NCOA7: variants seen among roughly 807,000 people sequenced by gnomAD.
NCOA7 encodes 140 kDa estrogen receptor-associated protein.
In NCOA7, 45 loss-of-function variants were observed where a neutral mutation model predicts 104.3. That is an observed-to-expected ratio of 0.43 (90% CI 0.34 to 0.55). The LOEUF (loss-of-function observed/expected upper bound fraction) is 0.55. Ranked by LOEUF, NCOA7 falls within the 20% of genes least tolerant of loss-of-function variation. NCOA7 has a pLI of 0.02. For missense variants in NCOA7, 1,041 were observed against 1,119.7 expected (o/e 0.93, Z 1.00); for synonymous variants, 398 against 402.3 (o/e 0.99, Z 0.13).
chr6:125,919,663 A>T (rs1227206924), intron 11 of NCOA7, among the ~76,000 whole-genome samples: 1 of 147,460 alleles, frequency 6.8e-6, no homozygotes, highest in East Asian at 2.1e-4. Context: ...TACTTGTGAT[A>T]AACACAGAGT....
intron 1 of NCOA7, chr6:125,798,092 C>A (rs1775511965): frequency 6.6e-6 from 1 of 152,176 alleles, no homozygotes; most frequent in South Asian, 2.1e-4. Flanking sequence ...GAAGGGTAGG[C>A]TGGTATACCT....
rs990480036 is a variant in NCOA7 at position 125,864,882 on chromosome 6, T to C, written c.271+9642T>C. Among the ~76,000 whole-genome samples the C allele has an allele frequency of 6.1e-4, 85 of 138,236 alleles. 25 individuals are homozygous for C. Among genetic ancestry groups the C allele is most frequent in the African/African-American group, 2.5e-3 (83 of 33,178 alleles). 90.7% of individuals were successfully genotyped at this position (138,236 alleles called of 152,430 possible). On this transcript the variant is annotated intron_variant, in intron 3 of 15. Transcript: ENST00000392477. ...ATTGGCTTTCATATTTCTTCTGTTT[T>C]CTTCTGAAGTGTTCATATGCACAAT... is the stretch of plus-strand genomic sequence containing the variant.
intron 2 of NCOA7, among the ~76,000 whole-genome samples, chr6:125,840,664 C>A (rs1780037921): frequency 6.6e-6 from 1 of 151,278 alleles, no homozygotes; most frequent in Admixed American, 6.6e-5. Flanking sequence ...ACTCAGGATG[C>A]CACCATGCCT....
intron 2 of NCOA7, among the ~76,000 whole-genome samples, chr6:125,852,342 C>T (rs1223196154): frequency 1.3e-5 from 2 of 152,032 alleles, no homozygotes; most frequent in African/African-American, 2.4e-5. Flanking sequence ...ACTACAGGCA[C>T]GTGCCACCAT....
intron 1 of NCOA7, among the ~76,000 whole-genome samples, chr6:125,802,856 T>G (rs1277774669): frequency 6.6e-6 from 1 of 152,174 alleles, no homozygotes; most frequent in Non-Finnish European, 1.5e-5. Flanking sequence ...CACACATAAT[T>G]TTTTTTTCCA....
intron 1 of NCOA7, among the ~76,000 whole-genome samples, chr6:125,792,730 G>T (rs989601291): frequency 1.3e-5 from 2 of 151,952 alleles, no homozygotes; most frequent in Non-Finnish European, 2.9e-5. Flanking sequence ...GTGAAATGAG[G>T]GTTTGCAAGA....
Position 125,887,265 on chromosome 6 carries a change from T to A in NCOA7, c.885-1674T>A, listed in dbSNP as rs554551526. On this transcript the variant is annotated intron_variant, in intron 8 of 15. Coordinates refer to ENST00000392477, the MANE Select transcript of NCOA7 (RefSeq NM_181782.5). ...TCAAGTATGTGGAAAGTTGGGTTTC[T>A]TTGTTGCAGGACTTCTTACAGGCTT... is the stretch of plus-strand genomic sequence containing the variant. 4.6e-5 allele frequency among the ~76,000 whole-genome samples: 7 copies of A among 152,346 alleles called. No individual in the cohort carries two copies. The South Asian group carries it at 1.2e-3, about 27-fold the overall frequency.
intron 7 of NCOA7, among the ~76,000 whole-genome samples, chr6:125,884,796 G>A (rs775854412): frequency 3.3e-5 from 5 of 152,266 alleles, no homozygotes; most frequent in Admixed American, 1.3e-4. Flanking sequence ...CTGTATTCTC[G>A]ATCGGGTAAG....
intron 12 of NCOA7, among the ~76,000 whole-genome samples, chr6:125,921,409 CA>C (rs111905886): frequency 4.2e-3 from 590 of 138,840 alleles, no homozygotes; most frequent in African/African-American, 4.9e-3. Flanking sequence ...GACTCTGTCT[CA>C]AAAAAAAAAA....
chr6:125,789,093 C>A (rs1774615020), upstream of NCOA7, among the ~76,000 whole-genome samples: 2 of 152,298 alleles, frequency 1.3e-5, no homozygotes, highest in African/African-American at 2.4e-5. Flanking sequence ...CTGCCAAATT[C>A]TCCTAAGTGA....
intron 2 of NCOA7, among the ~76,000 whole-genome samples, chr6:125,852,301 T>G (rs1781194760): frequency 3.3e-5 from 5 of 152,136 alleles, no homozygotes; most frequent in Admixed American, 3.3e-4. Context: ...GTTCAAGCGA[T>G]TCTCCTGCCT....
At chr6:125,910,496 C>T (rs545290991) in intron 10 of NCOA7, among the ~76,000 whole-genome samples, 27 of 152,216 alleles carry the variant, frequency 1.8e-4, no homozygotes, top group African/African-American at 6.3e-4. Context: ...TTTGTCAAAC[C>T]TCTCTGGAGT....
At chr6:125,802,257 TTG>T (rs1775967438) in intron 1 of NCOA7, 1 of 152,196 alleles carries the variant, frequency 6.6e-6, no homozygotes, top group African/African-American at 2.4e-5. Context: ...TGTTGCATAA[TTG>T]TCTCCAAACC....
intron 2 of NCOA7, among the ~76,000 whole-genome samples, chr6:125,829,171 A>C (rs921016003): frequency 6.6e-6 from 1 of 152,068 alleles, no homozygotes; most frequent in East Asian, 1.9e-4. Context: ...TTCCATAAAA[A>C]ATTTTTATAA....
At chr6:125,805,685 T>C (rs943324545) in intron 1 of NCOA7, among the ~76,000 whole-genome samples, 1 of 152,232 alleles carries the variant, frequency 6.6e-6, no homozygotes, top group Non-Finnish European at 1.5e-5. Context: ...ACAAAAAATT[T>C]GGTGCATATG....
intron 2 of NCOA7, among the ~76,000 whole-genome samples, chr6:125,845,607 C>T (rs1433794424): frequency 3.3e-5 from 5 of 152,156 alleles, no homozygotes; most frequent in Non-Finnish European, 7.3e-5. Context: ...AACCCCATCT[C>T]TACTAAAAAT....
At chr6:125,813,536 C>T (rs1403997933) in intron 1 of NCOA7, among the ~76,000 whole-genome samples, 12 of 151,588 alleles carry the variant, frequency 7.9e-5, no homozygotes, top group African/African-American at 2.9e-4. Context: ...ACTGCAACCT[C>T]CGCCTCCCAG....
intron 1 of NCOA7, among the ~76,000 whole-genome samples, chr6:125,814,408 G>C (rs554445586): frequency 6.6e-6 from 1 of 152,054 alleles, no homozygotes; most frequent in Non-Finnish European, 1.5e-5. Flanking sequence ...TGCCTGCCTC[G>C]GCCTCCCAAA....
chr6:125,800,958 G>A (rs751768057), intron 1 of NCOA7, among the ~76,000 whole-genome samples: 3 of 152,154 alleles, frequency 2.0e-5, no homozygotes, highest in South Asian at 2.1e-4. Flanking sequence ...TCGCTTGAAC[G>A]AGTGAGGCAG....
Sources: gnomAD v4.1 joint callset for allele counts (sites outside exome capture counted in the v4.1 genomes callset) on GRCh38, gnomAD v4.1.1 for gene constraint, MANE v1.5 for transcripts, NCBI Gene and HGNC (gene_info 2026-07-23, HGNC 2026-07-21) for gene names.